NRG3: variants seen among roughly 807,000 people sequenced by gnomAD.
NRG3 encodes neuregulin 3.
Under a neutral mutation model 66.9 loss-of-function variants are expected in NRG3, and 31 were observed. That is an observed-to-expected ratio of 0.46 (90% confidence interval 0.35 to 0.63). NRG3 has a LOEUF of 0.63. Ranked by LOEUF, NRG3 falls within the 20% of genes least tolerant of loss-of-function variation. NRG3 has a pLI of 0.00. For missense variants in NRG3, 910 were observed against 878.9 expected (o/e 1.04, Z -0.45); for synonymous variants, 393 against 359.4 (o/e 1.09, Z -1.06).
intron 2 of NRG3, among the ~76,000 whole-genome samples, chr10:82,579,594 G>A (rs772532214): frequency 5.9e-5 from 9 of 151,988 alleles, no homozygotes; most frequent in Non-Finnish European, 4.4e-5. Flanking sequence ...GCCTGTGAGT[G>A]TGTGTGTCTG....
intron 2 of NRG3, among the ~76,000 whole-genome samples, chr10:82,656,021 T>C (rs909692004): frequency 6.6e-6 from 1 of 152,218 alleles, no homozygotes; most frequent in Non-Finnish European, 1.5e-5. Flanking sequence ...CCAACTAATA[T>C]CTAAAAGTAG....
chr10:82,717,958 A>G (rs1000671333), intron 2 of NRG3, among the ~76,000 whole-genome samples: 2 of 152,074 alleles, frequency 1.3e-5, no homozygotes, highest in African/African-American at 4.8e-5. Flanking sequence ...CAAGACAGCT[A>G]TCAGCTGTGG....
intron 2 of NRG3, among the ~76,000 whole-genome samples, chr10:82,662,961 G>T (rs914227869): frequency 5.9e-5 from 9 of 152,142 alleles, no homozygotes; most frequent in African/African-American, 1.7e-4. Flanking sequence ...AGAAGAAAAA[G>T]ACAACATGGG....
At chr10:82,400,964 C>T (rs1206645539) in intron 2 of NRG3, among the ~76,000 whole-genome samples, 3 of 152,124 alleles carry the variant, frequency 2.0e-5, no homozygotes, top group Non-Finnish European at 2.9e-5. Flanking sequence ...GCTATCTCTT[C>T]CTTGGGTTTG....
intron 1 of NRG3, among the ~76,000 whole-genome samples, chr10:81,897,895 C>G (rs1843666829): frequency 6.6e-6 from 1 of 152,090 alleles, no homozygotes; most frequent in Admixed American, 6.6e-5. Flanking sequence ...GTTACTATCT[C>G]TAGTTTTTAA....
intron 3 of NRG3, among the ~76,000 whole-genome samples, chr10:82,856,756 C>CAAAAAA (rs67224862): frequency 4.2e-4 from 45 of 107,454 alleles, no homozygotes; most frequent in Non-Finnish European, 5.3e-4. Context: ...AAAAAAAAAA[C>CAAAAAA]AAAAAAAAAA....
chr10:82,679,801 G>A (rs1169365147), intron 2 of NRG3, among the ~76,000 whole-genome samples: 2 of 152,026 alleles, frequency 1.3e-5, no homozygotes, highest in African/African-American at 2.4e-5. Flanking sequence ...GGGACAGGAA[G>A]GTTTGGAGCT....
At chr10:81,984,300 C>T (rs550349541) in intron 1 of NRG3, among the ~76,000 whole-genome samples, 2 of 152,316 alleles carry the variant, frequency 1.3e-5, no homozygotes, top group South Asian at 4.1e-4. Flanking sequence ...ATCACCAGTA[C>T]ACTCAAAATC....
chr10:82,067,003 G>T (rs551899846), intron 1 of NRG3, among the ~76,000 whole-genome samples: 2 of 96,186 alleles, frequency 2.1e-5, no homozygotes, highest in African/African-American at 8.5e-5. Flanking sequence ...TTAGCTATTA[G>T]ATCCTAAATA....
intron 1 of NRG3, among the ~76,000 whole-genome samples, chr10:81,965,570 T>G (rs1253846319): frequency 1.3e-5 from 2 of 152,252 alleles, no homozygotes; most frequent in Non-Finnish European, 2.9e-5. Flanking sequence ...AGTACCATTG[T>G]AGACCTTCAT....
rs146233557 is a variant in NRG3, at chr10:81,890,969, C to T, written c.823+14806C>T. Reference sequence around the variant, plus strand: ...CATCTGTTCCCCCTAGTAGAACTGCCTCCTTTCCTCCAGATATCAGCTACA... The same window carrying T: ...CATCTGTTCCCCCTAGTAGAACTGCTTCCTTTCCTCCAGATATCAGCTACA... On this transcript the variant is annotated intron_variant, in intron 1 of 8. Coordinates refer to ENST00000372141, the MANE Select transcript of NRG3 (RefSeq NM_001010848.4). Among the ~76,000 whole-genome samples the T allele has an allele frequency of 2.1e-3, 324 of 152,292 alleles. 1 individual carries two copies. Among genetic ancestry groups the T allele is most frequent in the African/African-American group, 7.5e-3 (310 of 41,562 alleles).
intron 1 of NRG3, among the ~76,000 whole-genome samples, chr10:82,258,341 C>A (rs1407059240): frequency 6.6e-6 from 1 of 152,056 alleles, no homozygotes; most frequent in Non-Finnish European, 1.5e-5. Flanking sequence ...TATATTTGAT[C>A]ATTTTATTTT....
intron 1 of NRG3, among the ~76,000 whole-genome samples, chr10:82,213,491 G>A (rs1478374058): frequency 6.6e-6 from 1 of 152,058 alleles, no homozygotes; most frequent in African/African-American, 2.4e-5. Context: ...TCATCCTCAA[G>A]ATATTATGTA....
chr10:81,939,816 G>A (rs1848247661), intron 1 of NRG3, among the ~76,000 whole-genome samples: 1 of 150,468 alleles, frequency 6.6e-6, no homozygotes, highest in Non-Finnish European at 1.5e-5. Flanking sequence ...TGCTAACTTT[G>A]AGTCTAGTTT....
intron 1 of NRG3, among the ~76,000 whole-genome samples, chr10:82,042,833 T>G (rs1312169435): frequency 6.6e-6 from 1 of 152,078 alleles, no homozygotes; most frequent in Non-Finnish European, 1.5e-5. Flanking sequence ...CAAGGGAAAG[T>G]GAATGCTAGG....
intron 2 of NRG3, among the ~76,000 whole-genome samples, chr10:82,671,170 C>T (rs2053240997): frequency 6.6e-6 from 1 of 152,214 alleles, no homozygotes; most frequent in African/African-American, 2.4e-5. Flanking sequence ...CATCATGCTT[C>T]AGCGTACTAT....
At chr10:81,924,858 ATTCTGTAG>A (rs2132914564) in intron 1 of NRG3, among the ~76,000 whole-genome samples, 1 of 152,084 alleles carries the variant, frequency 6.6e-6, no homozygotes, top group South Asian at 2.1e-4. Flanking sequence ...GATAATTACT[ATTCTGTAG>A]TTCTTGTGTG....
chr10:82,848,239 G>T (rs1303545066), intron 3 of NRG3, among the ~76,000 whole-genome samples: 1 of 152,178 alleles, frequency 6.6e-6, no homozygotes, highest in Non-Finnish European at 1.5e-5. Flanking sequence ...GTCTTCTAAA[G>T]ATGTATATGT....
chr10:82,943,081 A>T (rs1049163147), intron 4 of NRG3, among the ~76,000 whole-genome samples: 1 of 152,162 alleles, frequency 6.6e-6, no homozygotes, highest in Non-Finnish European at 1.5e-5. Context: ...AGTTTTGCAT[A>T]TGGGAGTAGA....
Sources: allele counts gnomAD v4.1 joint callset (sites outside exome capture counted in the v4.1 genomes callset), GRCh38; gene constraint gnomAD v4.1.1; transcripts MANE v1.5; gene names NCBI Gene and HGNC (gene_info 2026-07-23, HGNC 2026-07-21).